GXYLT2: variants seen among roughly 807,000 people sequenced by gnomAD.
GXYLT2 encodes glucoside xylosyltransferase 2, also known as glycosyltransferase 8 domain containing 4.
GXYLT2 carries 53 observed loss-of-function variants against 45.8 expected under a neutral mutation model. The ratio of observed to expected loss-of-function variants is 1.16; its 90% CI spans 0.93 to 1.46. The LOEUF is 1.46. Ranked by LOEUF, GXYLT2 falls within the 40% of genes most tolerant of loss-of-function variation. The pLI, the probability that GXYLT2 is intolerant of heterozygous loss-of-function variation, is 0.00. For missense variants in GXYLT2, 551 were observed against 544.4 expected (o/e 1.01, Z -0.12); for synonymous variants, 219 against 214.2 (o/e 1.02, Z -0.19).
chr3:72,908,295 A>C (rs1709546361), intron 1 of GXYLT2, 72 bp from the exon 2 acceptor site: 1 of 1,054,958 alleles, frequency 9.5e-7, no homozygotes, highest in African/African-American at 1.6e-5. Context: ...CTAACCATTC[A>C]CTCGCCGGTT....
intron 5 of GXYLT2, among the ~76,000 whole-genome samples, chr3:72,963,992 A>G (rs1276005250): frequency 1.3e-5 from 2 of 151,444 alleles, no homozygotes; most frequent in Admixed American, 6.6e-5. Context: ...TTAATTTTGT[A>G]GAGACGGGAG....
At chr3:72,956,497 A>G (rs1710650528) in intron 4 of GXYLT2, among the ~76,000 whole-genome samples, 2 of 152,260 alleles carry the variant, frequency 1.3e-5, no homozygotes, top group South Asian at 2.1e-4. Flanking sequence ...TGTTATCTGT[A>G]TTTTGTTCCT....
chr3:72,909,649 A>G (rs1029007393), intron 2 of GXYLT2, among the ~76,000 whole-genome samples: 1 of 152,168 alleles, frequency 6.6e-6, no homozygotes, highest in Non-Finnish European at 1.5e-5. Context: ...GACTATTCCC[A>G]TACTGAAGAA....
chr3:72,956,988 T>C lies in GXYLT2; in HGVS notation c.853-241T>C, dbSNP rs1710662741. Among the ~76,000 whole-genome samples, 7 of 147,516 alleles carry C rather than the reference T, an allele frequency of 4.7e-5. No homozygotes were observed. The Admixed American group carries it at 4.8e-4, about 10-fold the overall frequency. On this transcript the variant is annotated intron_variant, in intron 4 of 6. Coordinates refer to ENST00000389617, the MANE Select transcript of GXYLT2 (RefSeq NM_001080393.2). ...TCAATTCCAGGCATGGTTTTCTGAGTAGAAACCATAGGTTCAACTTTCAGT... is the reference window on the plus strand; with the variant it reads ...TCAATTCCAGGCATGGTTTTCTGAGCAGAAACCATAGGTTCAACTTTCAGT...
chr3:72,947,339 C>T (rs1015757444), intron 3 of GXYLT2, among the ~76,000 whole-genome samples: 6 of 151,830 alleles, frequency 4.0e-5, no homozygotes, highest in South Asian at 2.1e-4. Flanking sequence ...CTGACTTTGA[C>T]GGTAATAGAG....
At chr3:72,966,421 ACTG>A (rs1160383872) in intron 5 of GXYLT2, among the ~76,000 whole-genome samples, 1 of 146,724 alleles carries the variant, frequency 6.8e-6, no homozygotes, top group African/African-American at 2.5e-5. Flanking sequence ...GTTGATTACA[ACTG>A]CTAACACTAT....
At chr3:72,922,078 T>C in intron 2 of GXYLT2, 126 bp from the exon 3 acceptor site, 1 of 768,124 alleles carries the variant, frequency 1.3e-6, no homozygotes, top group Non-Finnish European at 2.2e-6. Flanking sequence ...TTCATAGTGG[T>C]GATGAAGTTA....
chr3:72,912,862 A>G (rs1026231558), intron 2 of GXYLT2, among the ~76,000 whole-genome samples: 1 of 152,166 alleles, frequency 6.6e-6, no homozygotes, highest in African/African-American at 2.4e-5. Context: ...TGATTGTTTT[A>G]TACCACTAAG....
intron 3 of GXYLT2, among the ~76,000 whole-genome samples, chr3:72,933,411 C>G (rs140863560): frequency 1.8e-4 from 28 of 152,272 alleles, no homozygotes; most frequent in African/African-American, 6.3e-4. Flanking sequence ...AGTTCTACAA[C>G]TGAAGAGTCA....
rs1709550546 is a variant in GXYLT2, at chr3:72,908,468, T to G, written c.377T>G (p.Val126Gly). 1.9e-6 allele frequency: 3 copies of G among 1,613,992 alleles called. No individual in the cohort carries two copies. Among genetic ancestry groups the G allele is most frequent in the Middle Eastern group, 1.6e-4 (1 of 6,062 alleles). The change falls in exon 2 of 7, where the codon GTC (valine) becomes GGC (glycine). Residue 126 changes from valine to glycine, a missense_variant. Val to Gly is a moderately radical substitution (Grantham distance 109). Transcript: ENST00000389617. ...GGCAATCGGCTGGAGGAGACGCTGG[T>G]CATGCTCAAATCAGCTGTGCTTTTT... is the stretch of plus-strand genomic sequence containing the variant. ...ACGNRLEETL[V>G]MLKSAVLFSH... is the part of the protein sequence containing the mutation.
chr3:72,965,739 T>C (rs772038030), intron 5 of GXYLT2, among the ~76,000 whole-genome samples: 6 of 152,104 alleles, frequency 3.9e-5, no homozygotes, highest in Non-Finnish European at 8.8e-5. Context: ...GCCTCCCCCA[T>C]GTATAACAGT....
At chr3:72,946,509 C>G (rs569939305) in intron 3 of GXYLT2, among the ~76,000 whole-genome samples, 1 of 152,146 alleles carries the variant, frequency 6.6e-6, no homozygotes, top group East Asian at 1.9e-4. Context: ...GCTGGGAAGT[C>G]TAAGATAAAG....
intron 3 of GXYLT2, chr3:72,929,686 A>T (rs185070412): frequency 3.0e-5 from 20 of 658,664 alleles, no homozygotes; most frequent in Admixed American, 7.3e-5. Flanking sequence ...TACTTTTTCT[A>T]TAAGTTGCAC....
chr3:72,967,473 G>C, intron 5 of GXYLT2, 74 bp from the exon 6 acceptor site: 1 of 1,147,846 alleles, frequency 8.7e-7, no homozygotes, highest in Non-Finnish European at 1.3e-6. Context: ...AGTGGAAACA[G>C]TTTAATCGTG....
chr3:72,889,270 T>C (rs1709131255), intron 1 of GXYLT2, among the ~76,000 whole-genome samples: 1 of 152,208 alleles, frequency 6.6e-6, no homozygotes, highest in South Asian at 2.1e-4. Flanking sequence ...TTTCCTTTGT[T>C]GTGGAGGGCT....
chr3:72,957,428 G>GT, intron 5 of GXYLT2, 76 bp downstream of exon 5: 1 of 1,437,158 alleles, frequency 7.0e-7, no homozygotes, highest in Non-Finnish European at 9.5e-7. Flanking sequence ...CCATGCCCGG[G>GT]TTGCTATTGA....
At chr3:72,909,062 C>CT (rs71126804) in intron 2 of GXYLT2, among the ~76,000 whole-genome samples, 24,163 of 90,970 alleles carry the variant, frequency 0.27, 4,097 homozygotes, top group Non-Finnish European at 0.37. Context: ...TTCTTCCTTT[C>CT]TTTTTTTTTT....
At chr3:72,901,320 T>C (rs975873717) in intron 1 of GXYLT2, among the ~76,000 whole-genome samples, 1 of 148,540 alleles carries the variant, frequency 6.7e-6, no homozygotes, top group African/African-American at 2.5e-5. Context: ...TAGCTGGGCA[T>C]TGTGGCACAT....
chr3:72,924,222 C>T (rs1245832881), intron 3 of GXYLT2, among the ~76,000 whole-genome samples: 6 of 146,244 alleles, frequency 4.1e-5, no homozygotes, highest in African/African-American at 5.2e-5. Context: ...GAGATAAGGT[C>T]ACTCTCTGTC....
Sources: gnomAD v4.1 joint callset for allele counts (sites outside exome capture counted in the v4.1 genomes callset) on GRCh38, gnomAD v4.1.1 for gene constraint, MANE v1.5 for transcripts, NCBI Gene and HGNC (gene_info 2026-07-23, HGNC 2026-07-21) for gene names.